GABRB2: variants seen among roughly 807,000 people sequenced by gnomAD.
The protein encoded by GABRB2 is gamma-aminobutyric acid receptor subunit beta-2.
Under a neutral mutation model 54.7 loss-of-function variants are expected in GABRB2, and 16 were observed. That is an observed-to-expected ratio of 0.29 (90% CI 0.20 to 0.44). GABRB2 has a LOEUF of 0.44. Among genes scored for constraint, GABRB2 ranks in the 20% least tolerant of loss-of-function variants. The probability of loss-of-function intolerance (pLI) is 1.00; values close to 1 mark genes in which losing one functional copy is unlikely to be tolerated. For synonymous variants in GABRB2, 244 were observed against 233.8 expected, an observed-to-expected ratio of 1.04 and a Z score of -0.40; for missense variants, 355 against 644.0, an observed-to-expected ratio of 0.55 and a Z score of 4.86.
chr5:161,433,319 G>A (rs528910556), intron 4 of GABRB2, among the ~76,000 whole-genome samples: 2 of 151,910 alleles, frequency 1.3e-5, no homozygotes, highest in Admixed American at 6.6e-5. Context: ...GAGAATTATG[G>A]CTAGGTGTGA....
At position 161,393,617 on chromosome 5, in the gene GABRB2, TC is replaced by T. The variant is rs767673109; in HGVS notation, c.541+17357del. Among the ~76,000 whole-genome samples, 6 of 152,042 alleles carry T rather than the reference TC, an allele frequency of 3.9e-5. No individual in the cohort carries two copies. The East Asian group carries it at 7.7e-4, about 20-fold the overall frequency. On this transcript the variant is annotated intron_variant, in intron 5 of 9. Transcript: ENST00000393959. ...TAATGTCAGAAAGGTTATTTTAATA[TC>T]CTATAAAATGCACTTTGAGACTAAG...
At chr5:161,458,000 A>G (rs1758011177) in intron 4 of GABRB2, among the ~76,000 whole-genome samples, 1 of 152,166 alleles carries the variant, frequency 6.6e-6, no homozygotes, top group African/African-American at 2.4e-5. Context: ...GACAAAATGC[A>G]TCCAGCACTG....
At chr5:161,506,135 T>A (rs1759598337) in intron 3 of GABRB2, among the ~76,000 whole-genome samples, 1 of 151,964 alleles carries the variant, frequency 6.6e-6, no homozygotes, top group African/African-American at 2.4e-5. Flanking sequence ...AGGTCAGCAA[T>A]TATACATCAG....
intron 5 of GABRB2, among the ~76,000 whole-genome samples, chr5:161,378,387 A>G (rs1389842032): frequency 6.6e-6 from 1 of 152,136 alleles, no homozygotes. Flanking sequence ...CATTGTTTCT[A>G]TATCAATTTT....
At chr5:161,498,685 C>G (rs1759330761) in intron 3 of GABRB2, among the ~76,000 whole-genome samples, 2 of 152,034 alleles carry the variant, frequency 1.3e-5, no homozygotes, top group Non-Finnish European at 1.5e-5. Context: ...CCCTCATGGC[C>G]TTTGGAACAC....
intron 5 of GABRB2, among the ~76,000 whole-genome samples, chr5:161,351,202 AAGTT>A (rs770034598): frequency 2.0e-4 from 30 of 152,256 alleles, no homozygotes; most frequent in Non-Finnish European, 3.8e-4. Flanking sequence ...AACAATCCTA[AAGTT>A]CATAGGAAAT....
chr5:161,382,454 TG>T (rs1755498502), intron 5 of GABRB2, among the ~76,000 whole-genome samples: 1 of 152,168 alleles, frequency 6.6e-6, no homozygotes, highest in African/African-American at 2.4e-5. Context: ...GTCCTTTATC[TG>T]GATCAGCCTT....
chr5:161,459,072 C>T (rs932098503), intron 4 of GABRB2: 1 of 152,960 alleles, frequency 6.5e-6, no homozygotes, highest in Non-Finnish European at 1.5e-5. Context: ...ATTATCCTCA[C>T]CCAGATATCA....
At chr5:161,440,464 T>C (rs1265582085) in intron 4 of GABRB2, among the ~76,000 whole-genome samples, 2 of 152,062 alleles carry the variant, frequency 1.3e-5, no homozygotes, top group African/African-American at 4.8e-5. Flanking sequence ...ACAAAATATA[T>C]TTCAACATCA....
At chr5:161,464,850 A>G (rs1243193786) in intron 3 of GABRB2, among the ~76,000 whole-genome samples, 1 of 152,080 alleles carries the variant, frequency 6.6e-6, no homozygotes, top group Non-Finnish European at 1.5e-5. Flanking sequence ...GTGAAACTAT[A>G]GAGATGAAGA....
chr5:161,383,348 A>T (rs1469335939), intron 5 of GABRB2, among the ~76,000 whole-genome samples: 2 of 151,546 alleles, frequency 1.3e-5, no homozygotes, highest in South Asian at 4.2e-4. Flanking sequence ...TATTAATGCA[A>T]TCATGTGGCA....
At chr5:161,461,147 A>G in intron 3 of GABRB2, among the ~76,000 whole-genome samples, 1 of 152,218 alleles carries the variant, frequency 6.6e-6, no homozygotes, top group East Asian at 1.9e-4. Flanking sequence ...TTATTATGGT[A>G]GTAATTGTAA....
At chr5:161,399,613 G>A (rs1296829086) in intron 5 of GABRB2, among the ~76,000 whole-genome samples, 3 of 152,136 alleles carry the variant, frequency 2.0e-5, no homozygotes, top group Admixed American at 2.0e-4. Context: ...ATCTCTAAAA[G>A]CACAGCCTCA....
At chr5:161,542,953 A>T (rs1417882186) in intron 3 of GABRB2, among the ~76,000 whole-genome samples, 1 of 152,272 alleles carries the variant, frequency 6.6e-6, no homozygotes, top group Admixed American at 6.5e-5. Flanking sequence ...TTTAAAAAAT[A>T]AAACAAACAT....
rs527253623 is a variant in GABRB2 at position 161,293,102 on chromosome 5, T to A, written c.*979A>T. ...TGACTCTGAATCTAACCTGAATATC[T>A]AAGACAATTCTCATTTCTCTAATTT... On this transcript the variant is annotated 3_prime_UTR_variant, in exon 10 of 10. Transcript: ENST00000393959. 2 of 152,198 alleles carry A rather than the reference T, an allele frequency of 1.3e-5. No individual in the cohort carries two copies. Among genetic ancestry groups the A allele is most frequent in the Non-Finnish European group, 2.9e-5 (2 of 68,028 alleles). The allele number at this position is 152,198 out of a possible 1,614,324, so 9.4% of individuals were successfully genotyped here.
chr5:161,516,308 C>A (rs998001268), intron 3 of GABRB2, among the ~76,000 whole-genome samples: 1 of 152,114 alleles, frequency 6.6e-6, no homozygotes, highest in African/African-American at 2.4e-5. Context: ...TATATGGATT[C>A]TTTCATTTAA....
At chr5:161,326,340 T>C (rs749846270) in intron 9 of GABRB2, 28 bp downstream of exon 9, 2 of 1,607,542 alleles carry the variant, frequency 1.2e-6, no homozygotes, top group South Asian at 1.1e-5. Flanking sequence ...GAAATACAAA[T>C]AAATGGATTA....
At chr5:161,340,072 G>C (rs1348178450) in intron 5 of GABRB2, among the ~76,000 whole-genome samples, 1 of 151,928 alleles carries the variant, frequency 6.6e-6, no homozygotes, top group East Asian at 1.9e-4. Context: ...TGGTCCTCCA[G>C]GTTTCTTTCC....
intron 3 of GABRB2, among the ~76,000 whole-genome samples, chr5:161,534,260 G>C (rs1300482143): frequency 6.6e-6 from 1 of 152,120 alleles, no homozygotes; most frequent in Non-Finnish European, 1.5e-5. Flanking sequence ...AAGGGATTCA[G>C]TTAAACATCT....
Sources: gnomAD v4.1 joint callset for allele counts (sites outside exome capture counted in the v4.1 genomes callset) on GRCh38, gnomAD v4.1.1 for gene constraint, MANE v1.5 for transcripts, NCBI Gene and HGNC (gene_info 2026-07-23, HGNC 2026-07-21) for gene names.